COL4A2: variants seen among roughly 807,000 people sequenced by gnomAD.
COL4A2 encodes the protein collagen type IV alpha 2 chain, also known as collagen alpha-2(IV) chain.
COL4A2 carries 99 observed loss-of-function variants against 200.2 expected under a neutral mutation model. The ratio of observed to expected loss-of-function variants is 0.49; its 90% CI spans 0.42 to 0.58. COL4A2 has a LOEUF of 0.58. Among genes scored for constraint, COL4A2 ranks in the 20% least tolerant of loss-of-function variants. The pLI, the probability that COL4A2 is intolerant of heterozygous loss-of-function variation, is 0.00. For synonymous variants in COL4A2, 897 were observed against 900.6 expected (o/e 1.00, Z 0.07); for missense variants, 1,950 against 2,314.1 (o/e 0.84, Z 3.23).
rs1046516994 is a variant in COL4A2, at chr13:110,344,427, T to A, written c.100-13045T>A. Among the ~76,000 whole-genome samples, 7 of 152,220 alleles carry A rather than the reference T, an allele frequency of 4.6e-5. No homozygotes were observed. In the East Asian group the frequency reaches 1.3e-3, roughly 29 times the overall value. On this transcript the variant is annotated intron_variant, in intron 3 of 47. Coordinates refer to ENST00000360467, the MANE Select transcript of COL4A2 (RefSeq NM_001846.4). Reference sequence around the variant, plus strand: ...AGTAGCCAATGAGAGAATATTGAAGTAGGCTGTTTGTTACAGCACATCTCC... The same window carrying A: ...AGTAGCCAATGAGAGAATATTGAAGAAGGCTGTTTGTTACAGCACATCTCC...
intron 4 of COL4A2, among the ~76,000 whole-genome samples, chr13:110,389,645 C>T (rs1216330633): frequency 6.6e-6 from 1 of 152,230 alleles, no homozygotes; most frequent in South Asian, 2.1e-4. Context: ...CTGTGCTCCT[C>T]TGTGCACTCT....
rs140170609 is a variant in COL4A2, at chr13:110,505,079, G to A, written c.4402+815G>A. Reference sequence around the variant, plus strand: ...AAAATTAAACATAGGGGCCGGGCGCGGTGGCTCACGCCTGTAATCCCAGCA... The same window carrying A: ...AAAATTAAACATAGGGGCCGGGCGCAGTGGCTCACGCCTGTAATCCCAGCA... On this transcript the variant is annotated intron_variant, in intron 45 of 47. Coordinates refer to ENST00000360467, the MANE Select transcript of COL4A2 (RefSeq NM_001846.4). Among the ~76,000 whole-genome samples, 1,097 of 152,038 alleles carry A rather than the reference G, an allele frequency of 7.2e-3. 9 individuals are homozygous for A. The highest frequency in any genetic ancestry group is 0.012 in the Non-Finnish European group (832 of 67,952).
At chr13:110,478,902 A>G (rs542024579) in intron 30 of COL4A2, among the ~76,000 whole-genome samples, 2 of 152,252 alleles carry the variant, frequency 1.3e-5, no homozygotes, top group African/African-American at 4.8e-5. Context: ...CAATCTTACT[A>G]TAGTTCTCTG....
At chr13:110,407,244 G>A (rs1007830120) in intron 4 of COL4A2, among the ~76,000 whole-genome samples, 2 of 152,236 alleles carry the variant, frequency 1.3e-5, no homozygotes, top group African/African-American at 4.8e-5. Context: ...CAACCCTGCA[G>A]GAAACGGCTT....
In COL4A2 at chr13:110,439,161, A is replaced by G. The variant is rs573290721; in HGVS notation, c.912+493A>G. 1.1e-4 allele frequency among the ~76,000 whole-genome samples: 17 copies of G among 152,282 alleles called. No individual in the cohort carries two copies. In the South Asian group the frequency reaches 3.1e-3, roughly 28 times the overall value. On this transcript the variant is annotated intron_variant, in intron 15 of 47. Coordinates refer to ENST00000360467, the MANE Select transcript of COL4A2 (RefSeq NM_001846.4). The stretch of plus-strand genomic sequence containing the variant: ...CCTCACCTTCAGAGCCCCAGCCTGG[A>G]CTGACCCCACTCACTCCACGACCAC...
chr13:110,450,603 T>G (rs1170934176), intron 20 of COL4A2, 149 bp downstream of exon 20: 2 of 918,424 alleles, frequency 2.2e-6, no homozygotes, highest in African/African-American at 3.3e-5. Flanking sequence ...CCAGGTAGAT[T>G]AGGGTGTAGT....
chr13:110,365,794 G>T (rs1338739268), intron 4 of COL4A2, among the ~76,000 whole-genome samples: 1 of 152,164 alleles, frequency 6.6e-6, no homozygotes, highest in Non-Finnish European at 1.5e-5. Flanking sequence ...ATACATATTT[G>T]AGCGTTGAAG....
intron 4 of COL4A2, among the ~76,000 whole-genome samples, chr13:110,410,001 C>T (rs1195100053): frequency 1.3e-5 from 2 of 152,224 alleles, no homozygotes; most frequent in East Asian, 1.9e-4. Context: ...CCAGTGGTTC[C>T]AGGACCAGCA....
rs531968841 is a variant in COL4A2, at chr13:110,315,253, G to A, written c.99+7130G>A. Among the ~76,000 whole-genome samples the A allele has an allele frequency of 2.0e-4, 30 of 152,324 alleles. No individual in the cohort carries two copies. In the South Asian group the frequency reaches 6.0e-3, roughly 30 times the overall value. On this transcript the variant is annotated intron_variant, in intron 3 of 47. Transcript: ENST00000360467. Reference sequence around the variant, plus strand: ...TGGAGCCTCTGTCCTTTGCAACTGAGGCCCATTTCAGGGTCTAGCTAAAGT... The same window carrying A: ...TGGAGCCTCTGTCCTTTGCAACTGAAGCCCATTTCAGGGTCTAGCTAAAGT...
intron 4 of COL4A2, among the ~76,000 whole-genome samples, chr13:110,367,463 A>C (rs1243269509): frequency 1.3e-5 from 2 of 152,240 alleles, no homozygotes; most frequent in Non-Finnish European, 2.9e-5. Context: ...TCTCTCTCTA[A>C]TGAAGATTAA....
At position 110,485,017 on chromosome 13, in the gene COL4A2, G is replaced by A. The variant is rs374355010; in HGVS notation, c.3015G>A (p.Leu1005=). Residue 1005 remains leucine (L), a synonymous_variant, in exon 33 of 48, where the codon CTG becomes CTA. Coordinates refer to ENST00000360467, the MANE Select transcript of COL4A2 (RefSeq NM_001846.4). ...GGCCTATGGGGCTGAAAGGATACCT[G>A]GGCGCAAAAGGTGAGGCTTCTGACC... The part of the protein sequence containing the change: ...DEGPMGLKGY[L]GAKGIQGMPG... The A allele has an allele frequency of 1.8e-5, 28 of 1,598,660 alleles. No individual in the cohort carries two copies. The highest frequency in any genetic ancestry group is 1.7e-4 in the Middle Eastern group (1 of 6,000).
chr13:110,370,770 C>T (rs919327834), intron 4 of COL4A2, among the ~76,000 whole-genome samples: 1 of 152,180 alleles, frequency 6.6e-6, no homozygotes. Context: ...TCCTACTTGT[C>T]TAATACTGAT....
At chr13:110,310,712 C>T (rs1342317950) in intron 3 of COL4A2, among the ~76,000 whole-genome samples, 5 of 151,764 alleles carry the variant, frequency 3.3e-5, no homozygotes, top group Admixed American at 6.6e-5. Context: ...AAAGGGCTGC[C>T]GCTGGGAGCC....
chr13:110,411,419 A>G (rs1257684711), intron 4 of COL4A2, among the ~76,000 whole-genome samples: 1 of 152,224 alleles, frequency 6.6e-6, no homozygotes, highest in African/African-American at 2.4e-5. Flanking sequence ...ACTTCAGAGT[A>G]TTAGCCTGCA....
At chr13:110,444,179 G>A (rs1164922090) in intron 16 of COL4A2, among the ~76,000 whole-genome samples, 14 of 152,198 alleles carry the variant, frequency 9.2e-5, no homozygotes. Context: ...ATTTCAGATG[G>A]TTCAAAGTGC....
intron 4 of COL4A2, among the ~76,000 whole-genome samples, chr13:110,375,647 T>A (rs1374882025): frequency 1.3e-5 from 2 of 152,176 alleles, no homozygotes; most frequent in Non-Finnish European, 2.9e-5. Flanking sequence ...CTAGCCAACA[T>A]GGCGAAACCT....
chr13:110,367,263 CAA>C (rs1318554015), intron 4 of COL4A2, among the ~76,000 whole-genome samples: 1 of 152,174 alleles, frequency 6.6e-6, no homozygotes, highest in East Asian at 1.9e-4. Context: ...AGAAAAAGAA[CAA>C]AATAAAATGG....
chr13:110,461,113 C>T (rs1317441627), intron 22 of COL4A2, among the ~76,000 whole-genome samples: 2 of 152,238 alleles, frequency 1.3e-5, no homozygotes, highest in Non-Finnish European at 2.9e-5. Context: ...CGCGATTTTC[C>T]AGGCTGCGAT....
At chr13:110,331,383 A>C (rs1427273688) in intron 3 of COL4A2, among the ~76,000 whole-genome samples, 1 of 152,124 alleles carries the variant, frequency 6.6e-6, no homozygotes, top group East Asian at 1.9e-4. Flanking sequence ...GAAAGAGGGG[A>C]CGAATCCTAA....
Sources: gnomAD v4.1 joint callset for allele counts (sites outside exome capture counted in the v4.1 genomes callset) on GRCh38, gnomAD v4.1.1 for gene constraint, MANE v1.5 for transcripts, NCBI Gene and HGNC (gene_info 2026-07-23, HGNC 2026-07-21) for gene names.